GRIA4: variants seen among roughly 807,000 people sequenced by gnomAD.
The protein encoded by GRIA4 is glutamate receptor 4.
In GRIA4, 34 loss-of-function variants were observed where a neutral mutation model predicts 104.0. That is an observed-to-expected ratio of 0.33 (90% CI 0.25 to 0.44). The LOEUF (loss-of-function observed/expected upper bound fraction) is 0.44, where lower values mean the gene tolerates loss of function less well. Among genes scored for constraint, GRIA4 ranks in the 20% least tolerant of loss-of-function variants. The pLI is 1.00. For synonymous variants in GRIA4, 386 were observed against 381.9 expected, an observed-to-expected ratio of 1.01 and a Z score of -0.13; for missense variants, 750 against 1,096.5, an observed-to-expected ratio of 0.68 and a Z score of 4.46.
intron 10 of GRIA4, among the ~76,000 whole-genome samples, chr11:105,910,826 C>G (rs941143334): frequency 1.3e-5 from 2 of 152,048 alleles, no homozygotes; most frequent in Admixed American, 1.3e-4. Flanking sequence ...GTATGAAATG[C>G]TAAGACCCTA....
intron 14 of GRIA4, among the ~76,000 whole-genome samples, chr11:105,935,761 T>G (rs1377898937): frequency 6.6e-6 from 1 of 152,140 alleles, no homozygotes; most frequent in Non-Finnish European, 1.5e-5. Context: ...TGGCCTTCAG[T>G]GACGGGTTTG....
intron 3 of GRIA4, among the ~76,000 whole-genome samples, chr11:105,749,864 T>C (rs1591189378): frequency 6.6e-6 from 1 of 152,324 alleles, no homozygotes; most frequent in East Asian, 1.9e-4. Context: ...CTTATTCTGA[T>C]TAGTGTTTAT....
intron 3 of GRIA4, among the ~76,000 whole-genome samples, chr11:105,692,930 T>C (rs1953141056): frequency 6.6e-6 from 1 of 152,188 alleles, no homozygotes; most frequent in South Asian, 2.1e-4. Context: ...TTGGCATACA[T>C]TGTGCTTCTC....
At chr11:105,959,173 G>A (rs1383618158) in intron 14 of GRIA4, among the ~76,000 whole-genome samples, 1 of 152,198 alleles carries the variant, frequency 6.6e-6, no homozygotes, top group East Asian at 1.9e-4. Flanking sequence ...CTAGGTTGGG[G>A]AAGTTCTCCT....
rs141947607 is a variant in GRIA4, at chr11:105,788,704, A to T, written c.487+35484A>T. On this transcript the variant is annotated intron_variant, in intron 4 of 16. Coordinates refer to ENST00000282499, the MANE Select transcript of GRIA4 (RefSeq NM_000829.4). ...GGGAGCTAAACAATGAGTACACATGAACATAAAGATGGAAACAACAGACAC... is the reference window on the plus strand; with the variant it reads ...GGGAGCTAAACAATGAGTACACATGTACATAAAGATGGAAACAACAGACAC... Among the ~76,000 whole-genome samples, 953 of 152,218 alleles carry T rather than the reference A, an allele frequency of 6.3e-3. 6 individuals carry two copies. The highest frequency in any genetic ancestry group is 0.01 in the Non-Finnish European group (697 of 67,984).
At chr11:105,670,527 A>G (rs953343217) in intron 3 of GRIA4, among the ~76,000 whole-genome samples, 1 of 152,124 alleles carries the variant, frequency 6.6e-6, no homozygotes, top group African/African-American at 2.4e-5. Flanking sequence ...AAACTATTTT[A>G]CCTTCTCAGC....
At chr11:105,831,273 C>T (rs769407892) in intron 4 of GRIA4, among the ~76,000 whole-genome samples, 9 of 151,966 alleles carry the variant, frequency 5.9e-5, no homozygotes, top group Non-Finnish European at 1.0e-4. Flanking sequence ...ATGACATGTA[C>T]GTTCCAAGAA....
intron 10 of GRIA4, among the ~76,000 whole-genome samples, chr11:105,913,760 C>T (rs1627890): frequency 0.085 from 12,886 of 151,936 alleles, 601 homozygotes; most frequent in African/African-American, 0.11. Context: ...GCTTTACTAC[C>T]GAAGTTAAGG....
chr11:105,891,756 A>G (rs1946462407), intron 6 of GRIA4, among the ~76,000 whole-genome samples: 1 of 152,098 alleles, frequency 6.6e-6, no homozygotes, highest in Non-Finnish European at 1.5e-5. Context: ...TTCATTTATC[A>G]AATTATTATT....
chr11:105,873,868 C>T (rs1458752307), intron 5 of GRIA4, among the ~76,000 whole-genome samples: 1 of 152,062 alleles, frequency 6.6e-6, no homozygotes, highest in Non-Finnish European at 1.5e-5. Context: ...CTGTAGGTTG[C>T]CTGTTCACTC....
At chr11:105,869,262 C>T (rs1232537923) in intron 5 of GRIA4, among the ~76,000 whole-genome samples, 2 of 152,064 alleles carry the variant, frequency 1.3e-5, no homozygotes, top group African/African-American at 2.4e-5. Flanking sequence ...ATGAATTCTA[C>T]GATTAGGTTA....
chr11:105,770,834 C>T (rs909840273), intron 4 of GRIA4, among the ~76,000 whole-genome samples: 1 of 151,952 alleles, frequency 6.6e-6, no homozygotes, highest in Non-Finnish European at 1.5e-5. Flanking sequence ...AACATAAGCC[C>T]TTCAGTGTTC....
At chr11:105,658,727 G>A (rs1951916205) in intron 3 of GRIA4, among the ~76,000 whole-genome samples, 1 of 151,898 alleles carries the variant, frequency 6.6e-6, no homozygotes, top group Non-Finnish European at 1.5e-5. Context: ...TCTGAAAGGA[G>A]CAAAGACCTC....
intron 4 of GRIA4, among the ~76,000 whole-genome samples, chr11:105,777,412 C>G (rs988034128): frequency 6.6e-6 from 1 of 152,010 alleles, no homozygotes; most frequent in African/African-American, 2.4e-5. Context: ...TGACAATATT[C>G]GAATATATCA....
intron 14 of GRIA4, among the ~76,000 whole-genome samples, chr11:105,935,967 C>T (rs1323581935): frequency 6.6e-6 from 1 of 152,138 alleles, no homozygotes; most frequent in Non-Finnish European, 1.5e-5. Flanking sequence ...ATTCAGCTTC[C>T]TGGATGGAGA....
In GRIA4 at chr11:105,924,659, G is replaced by A. The variant is rs1487094046; in HGVS notation, c.1737G>A (p.Glu579=). 6.2e-7 allele frequency: 1 copy of A among 1,612,954 alleles called. No individual in the cohort carries two copies. The highest frequency in any genetic ancestry group is 8.5e-7 in the Non-Finnish European group (1 of 1,179,418). The change falls in exon 12 of 17, where the codon GAG becomes GAA. Residue 579 remains glutamate (E), a synonymous_variant. Transcript: ENST00000282499. ...SPYEWHTEEP[E]DGKEGPSDQP... ...ATGAGTGGCACACAGAAGAGCCAGAGGACGGAAAGGAAGGACCCAGCGACC... is the reference window on the plus strand; with the variant it reads ...ATGAGTGGCACACAGAAGAGCCAGAAGACGGAAAGGAAGGACCCAGCGACC...
intron 5 of GRIA4, among the ~76,000 whole-genome samples, chr11:105,881,487 T>C (rs1189704007): frequency 1.3e-5 from 2 of 152,130 alleles, no homozygotes; most frequent in Non-Finnish European, 2.9e-5. Flanking sequence ...CAGGACTCTG[T>C]CACCCAAAGG....
At position 105,625,204 on chromosome 11, in the gene GRIA4, G is replaced by A. The variant is rs529336958; in HGVS notation, c.247+12770G>A. 9.2e-5 allele frequency among the ~76,000 whole-genome samples: 14 copies of A among 152,166 alleles called. No homozygotes were observed. In the South Asian group the frequency reaches 1.9e-3, roughly 20 times the overall value. ...GTTAGACTGTGACTTCCGTGACAACGAGGATGATACCGTACTAAAGACTCT... is the reference window on the plus strand; with the variant it reads ...GTTAGACTGTGACTTCCGTGACAACAAGGATGATACCGTACTAAAGACTCT... On this transcript the variant is annotated intron_variant, in intron 3 of 16. Transcript: ENST00000282499.
intron 14 of GRIA4, among the ~76,000 whole-genome samples, chr11:105,940,518 A>C (rs1459127523): frequency 2.0e-5 from 3 of 152,188 alleles, no homozygotes; most frequent in Admixed American, 6.5e-5. Flanking sequence ...AATCAGGTTT[A>C]CCATAAAAAT....
Sources: gnomAD v4.1 joint callset for allele counts (sites outside exome capture counted in the v4.1 genomes callset) on GRCh38, gnomAD v4.1.1 for gene constraint, MANE v1.5 for transcripts, NCBI Gene and HGNC (gene_info 2026-07-23, HGNC 2026-07-21) for gene names.